Variants in CT45A10 observed in about 807,000 individuals in gnomAD.
CT45A10 encodes cancer/testis antigen family 45 member A10.
A neutral mutation model predicts 8.3 loss-of-function variants in CT45A10; 19 were observed. The observed-to-expected ratio is 2.30, with a 90% CI of 1.61 to 3.38. The LOEUF (loss-of-function observed/expected upper bound fraction) is 3.38. CT45A10 is among the 30% of genes most tolerant of loss of function. The pLI is 0.00. For missense variants in CT45A10, 149 were observed against 85.9 expected, an observed-to-expected ratio of 1.73 and a Z score of -2.90; for synonymous variants, 28 against 26.5, an observed-to-expected ratio of 1.06 and a Z score of -0.17.
intron 2 of CT45A10, 85 bp from the exon 3 acceptor site, chrX:135,883,341 A>G: frequency 9.3e-6 from 11 of 1,186,567 alleles, no homozygotes; most frequent in Non-Finnish European, 1.2e-5. Context: ...TGAATGACAG[A>G]TCTGGAAATC....
intron 1 of CT45A10, among the ~76,000 whole-genome samples, chrX:135,892,604 G>A (rs931091627): frequency 1.0e-4 from 11 of 110,194 alleles, no homozygotes; most frequent in Non-Finnish European, 9.5e-5. Context: ...AGAGTTCCCC[G>A]AGTCCCACCA....
At chrX:135,893,034 G>T (rs2088523654) in intron 1 of CT45A10, among the ~76,000 whole-genome samples, 1 of 109,486 alleles carries the variant, frequency 9.1e-6, no homozygotes, top group Admixed American at 9.6e-5. Flanking sequence ...ACCAAGGCAG[G>T]GTCCCCAACC....
intron 1 of CT45A10, among the ~76,000 whole-genome samples, chrX:135,888,228 T>A (rs1427664264): frequency 8.8e-6 from 1 of 113,152 alleles, no homozygotes; most frequent in Non-Finnish European, 1.9e-5. Flanking sequence ...ACAACGGGGA[T>A]AAGCAGAACC....
chrX:135,893,198 G>A (rs1191449296), intron 1 of CT45A10, among the ~76,000 whole-genome samples, 147 bp downstream of exon 1: 2 of 111,048 alleles, frequency 1.8e-5, no homozygotes, highest in Non-Finnish European at 3.8e-5. Flanking sequence ...TGTCCTCAGA[G>A]TGGAGCCACT....
rs782499269 is a variant in CT45A10, at chrX:135,893,350, C to T, written c.-12G>A. Reference sequence around the variant, plus strand: ...CACAGTCCTGAAGTCCTGACCTTGCCGGAGGAGGGGCGGCAGCACCTCACA... The same window carrying T: ...CACAGTCCTGAAGTCCTGACCTTGCTGGAGGAGGGGCGGCAGCACCTCACA... On this transcript the variant is annotated 5_prime_UTR_variant, in exon 1 of 5. Transcript: ENST00000682849. 3.7e-3 allele frequency among the ~76,000 whole-genome samples: 416 copies of T among 112,661 alleles called. No homozygotes were observed. The highest frequency in any genetic ancestry group is 0.012 in the African/African-American group (375 of 31,101).
At chrX:135,883,606 C>T (rs1214228820) in intron 2 of CT45A10, among the ~76,000 whole-genome samples, 1 of 103,384 alleles carries the variant, frequency 9.7e-6, no homozygotes, top group African/African-American at 3.5e-5. Flanking sequence ...CCCTGGTACT[C>T]ATGGGACAGT....
At chrX:135,891,415 T>TTA (rs1556590019) in intron 1 of CT45A10, among the ~76,000 whole-genome samples, 2 of 107,515 alleles carry the variant, frequency 1.9e-5, no homozygotes, top group African/African-American at 6.7e-5. Flanking sequence ...ATATAATATT[T>TTA]TATATATATA....
At chrX:135,893,082 A>G (rs1352381769) in intron 1 of CT45A10, among the ~76,000 whole-genome samples, 2 of 109,415 alleles carry the variant, frequency 1.8e-5, no homozygotes, top group South Asian at 8.2e-4. Context: ...AGCCCCTCAC[A>G]TCACTGAGGG....
chrX:135,892,107 G>GTCC (rs781987680), intron 1 of CT45A10, among the ~76,000 whole-genome samples: 8 of 110,367 alleles, frequency 7.2e-5, no homozygotes, highest in African/African-American at 2.6e-4. Flanking sequence ...GATCACTTGA[G>GTCC]TCCAGGAGTT....
In CT45A10 at chrX:135,891,743, ATAAGAT is replaced by A. The variant is rs2088500795; in HGVS notation, c.-7+1596_-7+1601del. On this transcript the variant is annotated intron_variant, in intron 1 of 4. Coordinates refer to ENST00000682849, the MANE Select transcript of CT45A10 (RefSeq NM_001291529.2). ...CTCTAGCCATAAACAAGACTGATTA[ATAAGAT>A]TAAGAGAATCTGTTCATCTAAAACA... 1.8e-5 allele frequency among the ~76,000 whole-genome samples: 2 copies of A among 111,242 alleles called. 1 individual carries two copies. Among genetic ancestry groups the A allele is most frequent in the Admixed American group, 1.9e-4 (2 of 10,387 alleles).
chrX:135,883,393 C>T lies in CT45A10; in HGVS notation c.170-137G>A, dbSNP rs1276628210. ...CTGTGAGATACGTGTGTTTCATCAC[C>T]CCTCTGGGTACATCTATGTGCTCCT... On this transcript the variant is annotated intron_variant, in intron 2 of 4. Coordinates refer to ENST00000682849, the MANE Select transcript of CT45A10 (RefSeq NM_001291529.2). 145 of 1,071,166 alleles carry T rather than the reference C, an allele frequency of 1.4e-4. 3 individuals are homozygous for T. The highest frequency in any genetic ancestry group is 1.7e-4 in the Non-Finnish European group (133 of 793,258). The allele number at this position is 1,071,166 out of a possible 1,213,427, so 88.3% of individuals were successfully genotyped here.
intron 1 of CT45A10, among the ~76,000 whole-genome samples, chrX:135,889,908 T>G (rs1484416027): frequency 9.1e-6 from 1 of 109,846 alleles, no homozygotes; most frequent in Admixed American, 9.6e-5. Context: ...AAAAAAGTAA[T>G]AATAATTTCA....
chrX:135,892,750 C>G (rs782643682), intron 1 of CT45A10, among the ~76,000 whole-genome samples: 1 of 112,210 alleles, frequency 8.9e-6, no homozygotes, highest in Admixed American at 9.4e-5. Context: ...TAAGCAGAAC[C>G]AAAGAAAAGC....
chrX:135,882,657 T>C lies in CT45A10; in HGVS notation c.419-28A>G, dbSNP rs2088393187. 9.6e-6 allele frequency: 11 copies of C among 1,150,074 alleles called. No individual in the cohort carries two copies. In the Admixed American group the frequency reaches 1.6e-4, roughly 17 times the overall value. The allele number at this position is 1,150,074 out of a possible 1,213,427, so 94.8% of individuals were successfully genotyped here. A position where few individuals can be genotyped will look rare whatever the true frequency, so the allele number is the denominator to read the frequency against. On this transcript the variant is annotated intron_variant, in intron 3 of 4. Coordinates refer to ENST00000682849, the MANE Select transcript of CT45A10 (RefSeq NM_001291529.2). ...GAAGATGTTGAAAAAAAAACTTCAG[T>C]ATTATCAAATATAAAGAAGAATAGA... is the stretch of plus-strand genomic sequence containing the variant.
intron 2 of CT45A10, among the ~76,000 whole-genome samples, chrX:135,883,524 C>T (rs1222616464): frequency 0.05 from 5,551 of 110,181 alleles, 226 homozygotes; most frequent in South Asian, 0.083. Flanking sequence ...AAACCACCTC[C>T]TATTTTCTGT....
chrX:135,883,212 G>C lies in CT45A10; in HGVS notation c.214C>G (p.Gln72Glu), dbSNP rs1205612847. 1 of 1,195,955 alleles carries C rather than the reference G, an allele frequency of 8.4e-7. No homozygotes were observed. The highest frequency in any genetic ancestry group is 1.8e-5 in the African/African-American group (1 of 56,297). Residue 72 changes from glutamine to glutamate, a missense_variant, in exon 3 of 5, where the codon CAG (glutamine) becomes GAG (glutamate). Transcript: ENST00000682849. ...CTGAAACCAGTGAAGTCATCAATCTGAGAATCCAATTGGCTGGGTGGAATA... is the reference window on the plus strand; with the variant it reads ...CTGAAACCAGTGAAGTCATCAATCTCAGAATCCAATTGGCTGGGTGGAATA... ...HAIPPSQLDS[Q>E]IDDFTGFSKD...
Position 135,883,051 on chromosome X carries a change from A to G in CT45A10, c.375T>C (p.Asp125=). The change falls in exon 3 of 5, where the codon GAT becomes GAC. Residue 125 remains aspartate (D), a synonymous_variant. Coordinates refer to ENST00000682849, the MANE Select transcript of CT45A10 (RefSeq NM_001291529.2). ...SPKSQQEINA[D]IKCQVVKEIR... is the part of the protein sequence containing the mutation. Reference sequence around the variant, plus strand: ...TTTCCTTCACTACTTGACATTTTATATCAGCATTAATTTCTTGTTGGCTTT... The same window carrying G: ...TTTCCTTCACTACTTGACATTTTATGTCAGCATTAATTTCTTGTTGGCTTT... 1 of 1,198,674 alleles carries G rather than the reference A, an allele frequency of 8.3e-7. No homozygotes were observed. The highest frequency in any genetic ancestry group is 1.1e-6 in the Non-Finnish European group (1 of 885,685).
At chrX:135,890,115 C>T (rs1382542499) in intron 1 of CT45A10, among the ~76,000 whole-genome samples, 4 of 112,358 alleles carry the variant, frequency 3.6e-5, no homozygotes, top group Admixed American at 9.4e-5. Flanking sequence ...ATTTCTTTTT[C>T]GGGGAACTCA....
intron 4 of CT45A10, among the ~76,000 whole-genome samples, chrX:135,881,833 A>C (rs1175925241): frequency 4.5e-5 from 1 of 22,297 alleles, no homozygotes; most frequent in Non-Finnish European, 1.1e-4. Flanking sequence ...ATAGAACCGA[A>C]GGCCCTTATG....
Sources: allele counts gnomAD v4.1 joint callset (sites outside exome capture counted in the v4.1 genomes callset), GRCh38; gene constraint gnomAD v4.1.1; transcripts MANE v1.5; gene names NCBI Gene and HGNC (gene_info 2026-07-23, HGNC 2026-07-21).